TRIM33: variants seen among roughly 807,000 people sequenced by gnomAD.
TRIM33 encodes tripartite motif containing 33, also known as E3 ubiquitin-protein ligase TRIM33.
Under a neutral mutation model 125.4 loss-of-function variants are expected in TRIM33, and 20 were observed. That is an observed-to-expected ratio of 0.16 (90% CI 0.11 to 0.23). TRIM33 has a LOEUF of 0.23. TRIM33 is among the 10% of genes least tolerant of loss of function. The pLI, the probability that TRIM33 is intolerant of heterozygous loss-of-function variation, is 1.00. For synonymous variants in TRIM33, 564 were observed against 513.9 expected (o/e 1.10, Z -1.32); for missense variants, 920 against 1,411.4 (o/e 0.65, Z 5.58).
chr1:114,415,640 TTTTGACCCTG>T (rs1652886514), intron 11 of TRIM33, among the ~76,000 whole-genome samples: 1 of 152,072 alleles, frequency 6.6e-6, no homozygotes, highest in Non-Finnish European at 1.5e-5. Context: ...AAGCTCACTG[TTTTGACCCTG>T]TTTAGAAAAC....
chr1:114,408,757 C>A lies in TRIM33; in HGVS notation c.2195-17G>T. On this transcript the variant is annotated splice_polypyrimidine_tract_variant and intron_variant, in intron 12 of 19. Coordinates refer to ENST00000358465, the MANE Select transcript of TRIM33 (RefSeq NM_015906.4). Reference sequence around the variant, plus strand: ...TGGATAAACCTAAAAAGTAGTAAGTCAAAATGAATATCAATGCATATAAGA... The same window carrying A: ...TGGATAAACCTAAAAAGTAGTAAGTAAAAATGAATATCAATGCATATAAGA... 2 of 1,545,632 alleles carry A rather than the reference C, an allele frequency of 1.3e-6. No individual in the cohort carries two copies. Among genetic ancestry groups the A allele is most frequent in the South Asian group, 2.3e-5 (2 of 87,284 alleles).
chr1:114,443,715 A>G (rs1254208814), intron 4 of TRIM33, among the ~76,000 whole-genome samples: 1 of 152,004 alleles, frequency 6.6e-6, no homozygotes, highest in Non-Finnish European at 1.5e-5. Flanking sequence ...CTAACTATAC[A>G]CAAAACTGCA....
chr1:114,401,040 TTTC>T, intron 17 of TRIM33, among the ~76,000 whole-genome samples: 1 of 151,902 alleles, frequency 6.6e-6, no homozygotes, highest in African/African-American at 2.4e-5. Context: ...TTTTTTTTTT[TTTC>T]TTTTTTTTTT....
intron 13 of TRIM33, among the ~76,000 whole-genome samples, chr1:114,408,173 T>A (rs1404080397): frequency 6.6e-6 from 1 of 152,224 alleles, no homozygotes; most frequent in Middle Eastern, 3.4e-3. Context: ...AATGACAAGA[T>A]GGAGAAATCG....
intron 4 of TRIM33, among the ~76,000 whole-genome samples, chr1:114,447,314 AT>A (rs1477340188): frequency 1.3e-5 from 2 of 152,038 alleles, no homozygotes; most frequent in African/African-American, 4.8e-5. Context: ...AGCCAAAAGG[AT>A]TTCCTGATAA....
intron 6 of TRIM33, among the ~76,000 whole-genome samples, chr1:114,430,073 A>C (rs562135596): frequency 1.2e-4 from 19 of 152,036 alleles, no homozygotes; most frequent in Non-Finnish European, 2.1e-4. Context: ...CTGCAAAACT[A>C]TGGAAATATT....
At chr1:114,474,196 C>T (rs1650833040) in intron 1 of TRIM33, among the ~76,000 whole-genome samples, 1 of 151,954 alleles carries the variant, frequency 6.6e-6, no homozygotes, top group African/African-American at 2.4e-5. Context: ...TCACTGCCCC[C>T]AGCCCAGAAA....
At chr1:114,480,001 C>T (rs1048944188) in intron 1 of TRIM33, among the ~76,000 whole-genome samples, 3 of 152,152 alleles carry the variant, frequency 2.0e-5, no homozygotes, top group Non-Finnish European at 4.4e-5. Flanking sequence ...TCATTGAGAA[C>T]AGGCCATGAT....
At chr1:114,427,365 T>G (rs1323482479) in intron 7 of TRIM33, 71 bp from the exon 8 acceptor site, 27 of 851,036 alleles carry the variant, frequency 3.2e-5, no homozygotes, top group Non-Finnish European at 2.4e-5. Context: ...ATAAAGACAT[T>G]AAGAAAAAAA....
chr1:114,414,445 TC>T (rs1290423749), intron 11 of TRIM33, among the ~76,000 whole-genome samples: 2 of 152,202 alleles, frequency 1.3e-5, no homozygotes, highest in Non-Finnish European at 2.9e-5. Context: ...TTTTTTCTGT[TC>T]TTCAAAAGTG....
At chr1:114,413,535 G>A (rs1652716806) in intron 11 of TRIM33, among the ~76,000 whole-genome samples, 2 of 109,576 alleles carry the variant, frequency 1.8e-5, no homozygotes, top group African/African-American at 6.9e-5. Context: ...ATCAGCCTGG[G>A]CAACAAGAAT....
At chr1:114,480,476 T>TAAAAAAAA (rs61241613) in intron 1 of TRIM33, among the ~76,000 whole-genome samples, 1 of 77,872 alleles carries the variant, frequency 1.3e-5, no homozygotes, top group Non-Finnish European at 2.4e-5. Flanking sequence ...ATGATCAATT[T>TAAAAAAAA]AAAAAAAAAA....
rs886741121 is a variant in TRIM33, at chr1:114,397,404, T to C, written c.*244A>G. The stretch of plus-strand genomic sequence containing the variant: ...CTCCATTAGAACAGAAATCCTCAAA[T>C]CATTTCACTTTTGCTTTTTGCTTTG... On this transcript the variant is annotated 3_prime_UTR_variant, in exon 20 of 20. Coordinates refer to ENST00000358465, the MANE Select transcript of TRIM33 (RefSeq NM_015906.4). The C allele has an allele frequency of 1.2e-5, 6 of 511,642 alleles. No homozygotes were observed. The highest frequency in any genetic ancestry group is 2.1e-5 in the Non-Finnish European group (6 of 289,580). 31.7% of individuals were successfully genotyped at this position (511,642 alleles called of 1,614,324 possible). A position where few individuals can be genotyped will look rare whatever the true frequency, so the allele number is the denominator to read the frequency against.
chr1:114,420,300 C>G, intron 11 of TRIM33: 1 of 685,282 alleles, frequency 1.5e-6, no homozygotes, highest in Non-Finnish European at 2.4e-6. Context: ...TGTCTACTAT[C>G]TTGGCCTTCT....
chr1:114,505,838 G>A (rs1418883292), intron 1 of TRIM33, among the ~76,000 whole-genome samples: 1 of 152,132 alleles, frequency 6.6e-6, no homozygotes, highest in Non-Finnish European at 1.5e-5. Flanking sequence ...AAAGTGCTGG[G>A]ATCACAGGCA....
intron 6 of TRIM33, among the ~76,000 whole-genome samples, chr1:114,430,266 G>C (rs1647860816): frequency 1.3e-5 from 2 of 151,868 alleles, no homozygotes; most frequent in African/African-American, 4.8e-5. Context: ...TCATTTTGGA[G>C]ACAGGGTCTC....
At chr1:114,420,352 T>A (rs1199082663) in intron 11 of TRIM33, 1 of 1,290,432 alleles carries the variant, frequency 7.7e-7, no homozygotes. Context: ...CCCCTTTGGA[T>A]CTAACAGAAG....
rs746321317 is a variant in TRIM33 at position 114,401,356 on chromosome 1, T to TTC, written c.2967+31_2967+32dup. 31 of 1,587,160 alleles carry TTC rather than the reference T, an allele frequency of 2.0e-5. No individual in the cohort carries two copies. In the South Asian group the frequency reaches 2.8e-4, roughly 14 times the overall value. On this transcript the variant is annotated intron_variant, in intron 17 of 19. Transcript: ENST00000358465. ...CCCATACTCTTAAGTATTATGAGACTTCCCCACCGAGCTACTAAGGTAGGC... is the reference window on the plus strand; with the variant it reads ...CCCATACTCTTAAGTATTATGAGACTTCTCCCCACCGAGCTACTAAGGTAGGC...
intron 1 of TRIM33, among the ~76,000 whole-genome samples, chr1:114,470,610 A>C (rs1324558909): frequency 6.6e-6 from 1 of 151,432 alleles, no homozygotes; most frequent in Non-Finnish European, 1.5e-5. Flanking sequence ...AACTGAAAAG[A>C]AGAATCGATT....
Sources: gnomAD v4.1 joint callset for allele counts (sites outside exome capture counted in the v4.1 genomes callset) on GRCh38, gnomAD v4.1.1 for gene constraint, MANE v1.5 for transcripts, NCBI Gene and HGNC (gene_info 2026-07-23, HGNC 2026-07-21) for gene names.